Variants in GALNT14 observed in about 807,000 individuals in gnomAD.
The protein encoded by GALNT14 is polypeptide N-acetylgalactosaminyltransferase 14, also known as UDP-GalNAc:polypeptide N-acetylgalactosaminyltransferase 14.
In GALNT14, 60 loss-of-function variants were observed where a neutral mutation model predicts 77.5. That is an observed-to-expected ratio of 0.77 (90% CI 0.63 to 0.96). The LOEUF is 0.96. Ranked by LOEUF, GALNT14 falls within the 40% of genes least tolerant of loss-of-function variation. The probability of loss-of-function intolerance (pLI) is 0.00; values close to 1 mark genes in which losing one functional copy is unlikely to be tolerated. For missense variants in GALNT14, 710 were observed against 731.0 expected (o/e 0.97, Z 0.33); for synonymous variants, 280 against 281.7 (o/e 0.99, Z 0.06).
intron 1 of GALNT14, among the ~76,000 whole-genome samples, chr2:31,097,183 T>A (rs1483747055): frequency 6.6e-6 from 1 of 152,076 alleles, no homozygotes; most frequent in Non-Finnish European, 1.5e-5. Flanking sequence ...CAGTTCAGTA[T>A]AAAGGAAAAT....
chr2:31,048,628 G>A (rs1000609257), intron 1 of GALNT14, among the ~76,000 whole-genome samples: 3 of 44,354 alleles, frequency 6.8e-5, no homozygotes, highest in Admixed American at 2.5e-4. Context: ...CTGCCTCCCC[G>A]CAGCAGCAAT....
intron 13 of GALNT14, among the ~76,000 whole-genome samples, chr2:30,918,873 AGGCAGGGAGGGTGGCATCG>A (rs1374470868): frequency 1.5e-5 from 2 of 131,290 alleles, no homozygotes; most frequent in African/African-American, 5.8e-5. Context: ...AGGTGGCATC[AGGCAGGGAGGGTGGCATCG>A]GGCAGGGAGG....
intron 1 of GALNT14, among the ~76,000 whole-genome samples, chr2:31,046,108 T>C (rs12621518): frequency 4.6e-5 from 7 of 152,094 alleles, no homozygotes; most frequent in Admixed American, 4.6e-4. Context: ...ATGAGGTAGG[T>C]GCTGTTACCA....
At chr2:31,077,489 A>T (rs1274543338) in intron 1 of GALNT14, among the ~76,000 whole-genome samples, 1 of 152,090 alleles carries the variant, frequency 6.6e-6, no homozygotes, top group East Asian at 1.9e-4. Flanking sequence ...CTCTCTCTAA[A>T]TATTTCTTTC....
intron 1 of GALNT14, among the ~76,000 whole-genome samples, chr2:31,108,951 A>G (rs981009705): frequency 6.6e-6 from 1 of 152,208 alleles, no homozygotes; most frequent in Non-Finnish European, 1.5e-5. Context: ...ACTCTTGAGA[A>G]AGTAACTTCC....
chr2:31,058,170 G>A (rs1443413071), intron 1 of GALNT14, among the ~76,000 whole-genome samples: 1 of 152,160 alleles, frequency 6.6e-6, no homozygotes, highest in African/African-American at 2.4e-5. Context: ...CCCACTGCCT[G>A]CAACAGCTGT....
chr2:30,953,662 T>G (rs1667178913), intron 6 of GALNT14, among the ~76,000 whole-genome samples: 1 of 152,186 alleles, frequency 6.6e-6, no homozygotes, highest in African/African-American at 2.4e-5. Flanking sequence ...TCACTTATAC[T>G]GTGCTTCCCT....
At chr2:31,057,695 T>C (rs1489686901) in intron 1 of GALNT14, among the ~76,000 whole-genome samples, 2 of 152,180 alleles carry the variant, frequency 1.3e-5, no homozygotes, top group East Asian at 1.9e-4. Flanking sequence ...GAGATGGCAA[T>C]GGGCCCAATG....
intron 3 of GALNT14, among the ~76,000 whole-genome samples, chr2:30,961,129 A>G (rs1000047719): frequency 6.6e-6 from 1 of 152,256 alleles, no homozygotes; most frequent in Admixed American, 6.5e-5. Flanking sequence ...GCAATCCTGA[A>G]CCAGATAGAT....
At chr2:31,067,657 G>A (rs1675068812) in intron 1 of GALNT14, among the ~76,000 whole-genome samples, 1 of 152,132 alleles carries the variant, frequency 6.6e-6, no homozygotes, top group African/African-American at 2.4e-5. Flanking sequence ...TCTAGCAGAG[G>A]GAGGACTTAA....
chr2:31,130,060 T>C (rs780113233), intron 1 of GALNT14, among the ~76,000 whole-genome samples: 2 of 152,206 alleles, frequency 1.3e-5, no homozygotes, highest in South Asian at 4.1e-4. Flanking sequence ...TCTCCTGCAT[T>C]TCCTTGAAAG....
At chr2:30,984,419 T>C (rs1433350493) in intron 2 of GALNT14, among the ~76,000 whole-genome samples, 3 of 152,198 alleles carry the variant, frequency 2.0e-5, no homozygotes, top group Non-Finnish European at 4.4e-5. Context: ...GAATGTGTTA[T>C]TTAGGGCATG....
intron 9 of GALNT14, among the ~76,000 whole-genome samples, chr2:30,934,159 C>G (rs1009767936): frequency 6.6e-6 from 1 of 152,178 alleles, no homozygotes; most frequent in African/African-American, 2.4e-5. Flanking sequence ...CTGTTTGAAT[C>G]GTTTTTCACA....
intron 12 of GALNT14, among the ~76,000 whole-genome samples, chr2:30,924,528 C>T (rs1267800916): frequency 6.6e-6 from 1 of 152,174 alleles, no homozygotes; most frequent in Non-Finnish European, 1.5e-5. Context: ...GTGAGAAATA[C>T]TGCTACTGGC....
intron 1 of GALNT14, among the ~76,000 whole-genome samples, chr2:31,093,498 A>G (rs1226619813): frequency 1.3e-5 from 2 of 152,182 alleles, no homozygotes; most frequent in African/African-American, 4.8e-5. Flanking sequence ...TTAGCCATCT[A>G]GAGGAGAGGC....
intron 1 of GALNT14, among the ~76,000 whole-genome samples, chr2:31,059,236 A>G (rs1485519487): frequency 6.6e-6 from 1 of 152,186 alleles, no homozygotes; most frequent in Non-Finnish European, 1.5e-5. Flanking sequence ...CTCCTTGCCC[A>G]TTTGTCATTA....
intron 2 of GALNT14, among the ~76,000 whole-genome samples, chr2:30,978,570 G>T (rs1024344051): frequency 1.3e-5 from 2 of 152,198 alleles, no homozygotes; most frequent in Non-Finnish European, 2.9e-5. Context: ...CGTGAACGTG[G>T]ATAATTCTCT....
In GALNT14 at chr2:30,929,385, G is replaced by A. The variant is rs369166357; in HGVS notation, c.1151+10C>T. The A allele has an allele frequency of 1.2e-6, 2 of 1,609,650 alleles. No homozygotes were observed. The highest frequency in any genetic ancestry group is 1.3e-5 in the African/African-American group (1 of 74,842). On this transcript the variant is annotated intron_variant, in intron 11 of 14. Coordinates refer to ENST00000349752, the MANE Select transcript of GALNT14 (RefSeq NM_024572.4). ...AGTCTCTGCCCTCCTCAACCTGAAG[G>A]GACACTTACTTCCCGAAGGGCCTCT...
At chr2:31,067,491 C>G (rs552592418) in intron 1 of GALNT14, among the ~76,000 whole-genome samples, 72 of 151,998 alleles carry the variant, frequency 4.7e-4, no homozygotes, top group Non-Finnish European at 6.8e-4. Context: ...GGTTTTGTGC[C>G]GGCAGAGGGT....
Sources: allele counts gnomAD v4.1 joint callset (sites outside exome capture counted in the v4.1 genomes callset), GRCh38; gene constraint gnomAD v4.1.1; transcripts MANE v1.5; gene names NCBI Gene and HGNC (gene_info 2026-07-23, HGNC 2026-07-21).